N4BP2L2: variants seen among roughly 807,000 people sequenced by gnomAD.
N4BP2L2 encodes the protein NEDD4-binding protein 2-like 2.
In N4BP2L2, 50 loss-of-function variants were observed where a neutral mutation model predicts 56.2. That is an observed-to-expected ratio of 0.89 (90% CI 0.71 to 1.13). The LOEUF (loss-of-function observed/expected upper bound fraction) is 1.13. Among genes scored for constraint, N4BP2L2 ranks in the 50% most tolerant of loss-of-function variants. N4BP2L2 has a pLI of 0.00. For synonymous variants in N4BP2L2, 203 were observed against 223.6 expected (o/e 0.91, Z 0.82); for missense variants, 689 against 693.8 (o/e 0.99, Z 0.08).
rs2049751094 is a variant in N4BP2L2, at chr13:32,518,266, CCTG to C, written c.1551-266_1551-264del. 2.6e-5 allele frequency among the ~76,000 whole-genome samples: 4 copies of C among 152,094 alleles called. No homozygotes were observed. The South Asian group carries it at 8.3e-4, about 31-fold the overall frequency. On this transcript the variant is annotated intron_variant, in intron 5 of 5. Coordinates refer to ENST00000267068, the Ensembl canonical transcript of N4BP2L2. ...CACATAGAACTACCTATTCACTGAG[CCTG>C]CTGACTATATCCCCTTGTTAATAAC... is the stretch of plus-strand genomic sequence containing the variant.
chr13:32,506,544 A>C (rs2090979741), downstream of N4BP2L2: 1 of 152,222 alleles, frequency 6.6e-6, no homozygotes, highest in African/African-American at 2.4e-5. Context: ...TACCTGACTC[A>C]TTAGCTTAAA....
At chr13:32,521,888 A>C (rs2051046701) in intron 4 of N4BP2L2, 2 of 326,246 alleles carry the variant, frequency 6.1e-6, no homozygotes, top group Non-Finnish European at 1.1e-5. Flanking sequence ...AGGCAGGAGA[A>C]TCGCTTCAAC....
At position 32,538,001 on chromosome 13, in the gene N4BP2L2, G is replaced by T. The variant is rs895861777; in HGVS notation, c.-1+617C>A. 2.0e-4 allele frequency among the ~76,000 whole-genome samples: 30 copies of T among 150,966 alleles called. 1 individual carries two copies. Among genetic ancestry groups the T allele is most frequent in the Middle Eastern group, 6.8e-3 (2 of 294 alleles). On this transcript the variant is annotated intron_variant, in intron 1 of 5. Transcript: ENST00000267068. ...GGGAGGATCGCTTGAACCCGGGGGG[G>T]GCGGAGGTTGTGGTGAGCCGAGATG...
intron 6 of N4BP2L2, among the ~76,000 whole-genome samples, chr13:32,493,572 C>T (rs1047934730): frequency 5.9e-5 from 9 of 152,088 alleles, no homozygotes; most frequent in African/African-American, 2.2e-4. Flanking sequence ...TTGGATGAGT[C>T]CCCCCGCCCC....
At chr13:32,464,419 A>G (rs2080847958) in intron 6 of N4BP2L2, among the ~76,000 whole-genome samples, 1 of 152,212 alleles carries the variant, frequency 6.6e-6, no homozygotes, top group Admixed American at 6.5e-5. Context: ...TTCTGATGGC[A>G]ATTCCAACAG....
At chr13:32,490,630 T>C (rs529995043) in intron 6 of N4BP2L2, among the ~76,000 whole-genome samples, 36 of 152,310 alleles carry the variant, frequency 2.4e-4, no homozygotes, top group African/African-American at 7.9e-4. Flanking sequence ...ATCTGAGTAT[T>C]TGGTGACTTA....
At chr13:32,476,668 C>T (rs1372297536) in intron 6 of N4BP2L2, among the ~76,000 whole-genome samples, 1 of 151,904 alleles carries the variant, frequency 6.6e-6, no homozygotes, top group South Asian at 2.1e-4. Flanking sequence ...TAGCTCATAG[C>T]AAAAAATAAC....
intron 2 of N4BP2L2, among the ~76,000 whole-genome samples, chr13:32,531,016 T>C (rs988760216): frequency 3.3e-5 from 5 of 151,988 alleles, no homozygotes; most frequent in Admixed American, 2.0e-4. Flanking sequence ...GAGAGAAGCC[T>C]CCAGTCTCTA....
In N4BP2L2 at chr13:32,527,417, GGT is replaced by G; in HGVS notation, c.1373_1374del (p.Asn458ThrfsTer19). 1 of 1,613,752 alleles carries G rather than the reference GGT, an allele frequency of 6.2e-7. No individual in the cohort carries two copies. Among genetic ancestry groups the G allele is most frequent in the Non-Finnish European group, 8.5e-7 (1 of 1,179,880 alleles). The stretch of plus-strand genomic sequence containing the variant: ...TTAGCCCAAAACAAACCTCTGTTCT[GGT>G]TCCAGTCATGGGCATCACCAAGTTG... On this transcript the variant is annotated frameshift_variant, in exon 3 of 6. Coordinates refer to ENST00000267068, the Ensembl canonical transcript of N4BP2L2. LOFTEE classifies it high-confidence loss of function.
intron 7 of N4BP2L2, chr13:32,442,265 C>A: frequency 1.1e-6 from 1 of 888,236 alleles, no homozygotes; most frequent in Non-Finnish European, 1.7e-6. Flanking sequence ...TCACTCACTG[C>A]TGAAAAGCAT....
rs571514058 is a variant in N4BP2L2, at chr13:32,518,781, T to C, written c.1551-778A>G. Among the ~76,000 whole-genome samples the C allele has an allele frequency of 2.0e-5, 3 of 152,286 alleles. No homozygotes were observed. In the East Asian group the frequency reaches 5.8e-4, roughly 29 times the overall value. ...GCTGGCAATGCTCCCATGACATGGGTGATAGCTAAACGTGTGTTGATCTTG... is the reference window on the plus strand; with the variant it reads ...GCTGGCAATGCTCCCATGACATGGGCGATAGCTAAACGTGTGTTGATCTTG... On this transcript the variant is annotated intron_variant, in intron 5 of 5. Transcript: ENST00000267068.
At chr13:32,507,169 G>C (rs2091091641), downstream of N4BP2L2, 1 of 152,160 alleles carries the variant, frequency 6.6e-6, no homozygotes, top group Admixed American at 6.5e-5. Context: ...CAACTTTCTA[G>C]CTTACAGAGA....
intron 6 of N4BP2L2, among the ~76,000 whole-genome samples, chr13:32,494,564 C>A (rs1490089487): frequency 6.6e-6 from 1 of 151,858 alleles, no homozygotes; most frequent in Non-Finnish European, 1.5e-5. Context: ...GAGATCGAGA[C>A]CATCCTGGCT....
exon 7 of N4BP2L2, chr13:32,443,021 G>T (rs17077569): frequency 0.026 from 41,527 of 1,612,624 alleles, 1,071 homozygotes; most frequent in African/African-American, 0.13. Flanking sequence ...ACACCGATAC[G>T]ACTCTGTCCT....
chr13:32,494,775 T>C (rs559452380), intron 6 of N4BP2L2, among the ~76,000 whole-genome samples: 2 of 152,194 alleles, frequency 1.3e-5, no homozygotes, highest in Non-Finnish European at 2.9e-5. Flanking sequence ...CTAAAGTCGT[T>C]GGCTTGAACA....
intron 2 of N4BP2L2, among the ~76,000 whole-genome samples, chr13:32,532,089 G>A (rs147892390): frequency 6.6e-6 from 1 of 152,272 alleles, no homozygotes; most frequent in East Asian, 1.9e-4. Context: ...ATCCAGGACA[G>A]CCTCCCCATT....
At chr13:32,463,918 CAAAAAAA>C (rs58685358) in intron 6 of N4BP2L2, among the ~76,000 whole-genome samples, 2 of 64,166 alleles carry the variant, frequency 3.1e-5, no homozygotes, top group South Asian at 7.6e-4. Context: ...TGCCCATGAC[CAAAAAAA>C]AAAAAAAAAA....
chr13:32,491,978 A>G (rs1045655808), intron 6 of N4BP2L2, among the ~76,000 whole-genome samples: 1 of 152,150 alleles, frequency 6.6e-6, no homozygotes, highest in Non-Finnish European at 1.5e-5. Context: ...TGAACTGGTG[A>G]GTTATTATGG....
exon 6 of N4BP2L2, chr13:32,511,845 T>A (rs936933613): frequency 6.6e-6 from 1 of 151,490 alleles, no homozygotes; most frequent in African/African-American, 2.4e-5. Flanking sequence ...TTTCTAAGAT[T>A]AAGAAAAACG....
Sources: gnomAD v4.1 joint callset for allele counts (sites outside exome capture counted in the v4.1 genomes callset) on GRCh38, gnomAD v4.1.1 for gene constraint, MANE v1.5 for transcripts, NCBI Gene and HGNC (gene_info 2026-07-23, HGNC 2026-07-21) for gene names.